Variants in MAP2K5 observed in about 807,000 individuals in gnomAD.
The protein encoded by MAP2K5 is dual specificity mitogen-activated protein kinase kinase 5.
Under a neutral mutation model 83.1 loss-of-function variants are expected in MAP2K5, and 49 were observed. The observed-to-expected ratio is 0.59, with a 90% CI of 0.47 to 0.75. The LOEUF (loss-of-function observed/expected upper bound fraction) is 0.75. Among genes scored for constraint, MAP2K5 ranks in the 30% least tolerant of loss-of-function variants. The pLI, the probability that MAP2K5 is intolerant of heterozygous loss-of-function variation, is 0.00. For missense variants in MAP2K5, 457 were observed against 557.5 expected (o/e 0.82, Z 1.82); for synonymous variants, 202 against 191.8 (o/e 1.05, Z -0.44).
chr15:67,770,625 C>T lies in MAP2K5; in HGVS notation c.1196+962C>T, dbSNP rs1269538966. Among the ~76,000 whole-genome samples, 1 of 152,158 alleles carries T rather than the reference C, an allele frequency of 6.6e-6. No individual in the cohort carries two copies. The highest frequency in any genetic ancestry group is 1.5e-5 in the Non-Finnish European group (1 of 68,014). ...TGGGCAGACCCTACCAGAAGAAACCCTTGGTTCTGTGGTGTGGCAAAGTAA... is the reference window on the plus strand; with the variant it reads ...TGGGCAGACCCTACCAGAAGAAACCTTTGGTTCTGTGGTGTGGCAAAGTAA... On this transcript the variant is annotated intron_variant, in intron 20 of 21. Coordinates refer to ENST00000178640, the MANE Select transcript of MAP2K5 (RefSeq NM_145160.3). This position sits in a 1 kb window ranked among gnomAD's most constrained non-coding sequence, Gnocchi z 5.0.
intron 17 of MAP2K5, among the ~76,000 whole-genome samples, chr15:67,730,130 A>G (rs2089187780): frequency 6.6e-6 from 1 of 152,118 alleles, no homozygotes; most frequent in Non-Finnish European, 1.5e-5. Flanking sequence ...ACCACTAATG[A>G]CTTTTGGTGG....
intron 11 of MAP2K5, among the ~76,000 whole-genome samples, chr15:67,647,485 G>C (rs116480629): frequency 0.011 from 1,730 of 152,044 alleles, 42 homozygotes; most frequent in African/African-American, 0.04. Context: ...GGTGGTTCAC[G>C]CATGTAATCC....
At chr15:67,634,221 T>C (rs1425764443) in intron 9 of MAP2K5, among the ~76,000 whole-genome samples, 1 of 151,156 alleles carries the variant, frequency 6.6e-6, no homozygotes, top group African/African-American at 2.4e-5. Flanking sequence ...AAAAATAAAT[T>C]AGCTGGGCAT....
intron 21 of MAP2K5, among the ~76,000 whole-genome samples, chr15:67,800,120 C>T (rs748481068): frequency 1.3e-5 from 2 of 152,198 alleles, no homozygotes; most frequent in Admixed American, 1.3e-4. Context: ...TATTATCAGG[C>T]TGCCCACTAT....
chr15:67,671,648 G>GT (rs879340541), intron 13 of MAP2K5, among the ~76,000 whole-genome samples: 36 of 148,402 alleles, frequency 2.4e-4, no homozygotes, highest in South Asian at 1.3e-3. Flanking sequence ...GCAAGAACAC[G>GT]TTTTTTTTTC....
rs780656703 is a variant in MAP2K5 at position 67,642,332 on chromosome 15, T to TG, written c.586-3892dup. 8.0e-5 allele frequency: 81 copies of TG among 1,006,292 alleles called. No individual in the cohort carries two copies. The African/African-American group carries it at 8.1e-4, about 10-fold the overall frequency. The allele number at this position is 1,006,292 out of a possible 1,614,324, so 62.3% of individuals were successfully genotyped here. ...GTGAGTTAGACCCTGTGTGGAGTGCTGGGGGGGATAGAAAAATGTACAAGA... is the reference window on the plus strand; with the variant it reads ...GTGAGTTAGACCCTGTGTGGAGTGCTGGGGGGGGATAGAAAAATGTACAAGA... On this transcript the variant is annotated intron_variant, in intron 9 of 21. Transcript: ENST00000178640.
chr15:67,618,256 T>C (rs959512465), intron 8 of MAP2K5, among the ~76,000 whole-genome samples: 1 of 152,216 alleles, frequency 6.6e-6, no homozygotes, highest in Non-Finnish European at 1.5e-5. Flanking sequence ...GGGGGAGATA[T>C]AACATCAACT....
In MAP2K5 at chr15:67,736,134, A is replaced by G. The variant is rs1189666931; in HGVS notation, c.1074+8189A>G. Among the ~76,000 whole-genome samples, 2 of 152,214 alleles carry G rather than the reference A, an allele frequency of 1.3e-5. No homozygotes were observed. The highest frequency in any genetic ancestry group is 2.9e-5 in the Non-Finnish European group (2 of 68,040). On this transcript the variant is annotated intron_variant, in intron 17 of 21. Coordinates refer to ENST00000178640, the MANE Select transcript of MAP2K5 (RefSeq NM_145160.3). This position sits in a 1 kb window ranked among gnomAD's most constrained non-coding sequence, Gnocchi z 4.3. ...AGGAAGTAAGAAAAGGGAGGGGAGC[A>G]TGGTAGAGGAGGGAGGTAATGTGTC... is the stretch of plus-strand genomic sequence containing the variant.
intron 7 of MAP2K5, among the ~76,000 whole-genome samples, chr15:67,594,531 A>AG (rs1481733509): frequency 2.0e-5 from 3 of 152,208 alleles, no homozygotes; most frequent in Non-Finnish European, 4.4e-5. Flanking sequence ...CAAAAATGAA[A>AG]AACAGTTTTT....
chr15:67,704,402 A>T (rs951205923), intron 16 of MAP2K5, among the ~76,000 whole-genome samples: 1 of 152,220 alleles, frequency 6.6e-6, no homozygotes, highest in Non-Finnish European at 1.5e-5. Context: ...GACTTTTTAT[A>T]ATAGAAAAGT....
Position 67,561,334 on chromosome 15 carries a change from A to G in MAP2K5, c.185-1949A>G, listed in dbSNP as rs1445776698. Among the ~76,000 whole-genome samples the G allele has an allele frequency of 2.0e-5, 3 of 152,224 alleles. No homozygotes were observed. Among genetic ancestry groups the G allele is most frequent in the African/African-American group, 2.4e-5 (1 of 41,462 alleles). On this transcript the variant is annotated intron_variant, in intron 2 of 21. Coordinates refer to ENST00000178640, the MANE Select transcript of MAP2K5 (RefSeq NM_145160.3). The surrounding 1 kb of genome is among the most constrained non-coding windows in gnomAD (Gnocchi z 4.2). ...GAAAATATTAGTTTCTAGAACTTAT[A>G]TATAGACAGACTCCTTTCTTCTCTC...
intron 16 of MAP2K5, among the ~76,000 whole-genome samples, chr15:67,714,449 A>G (rs1251434080): frequency 9.3e-6 from 1 of 107,852 alleles, no homozygotes; most frequent in Non-Finnish European, 1.8e-5. Flanking sequence ...AAAAAAAAAA[A>G]AAAAAACCAC....
At chr15:67,681,503 A>G (rs979316946) in intron 13 of MAP2K5, among the ~76,000 whole-genome samples, 4 of 152,206 alleles carry the variant, frequency 2.6e-5, no homozygotes, top group African/African-American at 7.2e-5. Flanking sequence ...ATAAAAGCCT[A>G]CTGCATAAAA....
intron 13 of MAP2K5, among the ~76,000 whole-genome samples, chr15:67,689,331 A>G (rs537023672): frequency 2.9e-4 from 44 of 152,360 alleles, no homozygotes; most frequent in Non-Finnish European, 5.0e-4. Context: ...GTACAGACAG[A>G]TGCTACAGAA....
At chr15:67,656,682 T>C (rs1486286187) in intron 11 of MAP2K5, among the ~76,000 whole-genome samples, 1 of 152,138 alleles carries the variant, frequency 6.6e-6, no homozygotes, top group Non-Finnish European at 1.5e-5. Context: ...CTCTCTGAGC[T>C]CTGCCATCAG....
chr15:67,752,417 C>T (rs534267318), intron 19 of MAP2K5, among the ~76,000 whole-genome samples: 198 of 152,064 alleles, frequency 1.3e-3, no homozygotes, highest in Non-Finnish European at 2.1e-3. Flanking sequence ...CGGTGGCTCA[C>T]GCCTGTAATT....
intron 13 of MAP2K5, among the ~76,000 whole-genome samples, chr15:67,666,337 A>T (rs1356406275): frequency 6.6e-6 from 1 of 152,194 alleles, no homozygotes; most frequent in Non-Finnish European, 1.5e-5. Context: ...AATCATGCTG[A>T]TAAGTTGATG....
chr15:67,559,992 G>A lies in MAP2K5; in HGVS notation c.185-3291G>A, dbSNP rs2084702823. 6.6e-6 allele frequency among the ~76,000 whole-genome samples: 1 copy of A among 152,174 alleles called. No homozygotes were observed. The highest frequency in any genetic ancestry group is 6.5e-5 in the Admixed American group (1 of 15,276). ...GTTTAGTAAGTTTTTATGATTTATGGTTCCAGCTAGTGTAATTTTTACAGC... is the reference window on the plus strand; with the variant it reads ...GTTTAGTAAGTTTTTATGATTTATGATTCCAGCTAGTGTAATTTTTACAGC... On this transcript the variant is annotated intron_variant, in intron 2 of 21. Coordinates refer to ENST00000178640, the MANE Select transcript of MAP2K5 (RefSeq NM_145160.3). This position sits in a 1 kb window ranked among gnomAD's most constrained non-coding sequence, Gnocchi z 4.7.
chr15:67,627,149 A>G (rs923442345), intron 8 of MAP2K5, among the ~76,000 whole-genome samples: 15 of 151,940 alleles, frequency 9.9e-5, no homozygotes, highest in African/African-American at 3.1e-4. Context: ...GTGTCTCCCT[A>G]TGTTGCCCAG....
Sources: allele counts gnomAD v4.1 joint callset (sites outside exome capture counted in the v4.1 genomes callset), GRCh38; gene constraint gnomAD v4.1.1; non-coding constraint Gnocchi (gnomAD v3.1); transcripts MANE v1.5; gene names NCBI Gene and HGNC (gene_info 2026-07-23, HGNC 2026-07-21).